Variants in MYH4 observed in about 807,000 individuals in gnomAD.
MYH4 encodes the protein myosin-4.
In MYH4, 200 loss-of-function variants were observed where a neutral mutation model predicts 229.9. That is an observed-to-expected ratio of 0.87 (90% CI 0.78 to 0.98). The LOEUF (loss-of-function observed/expected upper bound fraction) is 0.98, where lower values mean the gene tolerates loss of function less well. Ranked by LOEUF, MYH4 falls within the 50% of genes least tolerant of loss-of-function variation. The pLI, the probability that MYH4 is intolerant of heterozygous loss-of-function variation, is 0.00. For synonymous variants in MYH4, 761 were observed against 834.6 expected, an observed-to-expected ratio of 0.91 and a Z score of 1.52; for missense variants, 2,148 against 2,332.6, an observed-to-expected ratio of 0.92 and a Z score of 1.63.
In MYH4 at chr17:10,443,380, C is replaced by A; in HGVS notation, c.5815G>T (p.Glu1939Ter). 1 of 1,613,832 alleles carries A rather than the reference C, an allele frequency of 6.2e-7. No individual in the cohort carries two copies. The highest frequency in any genetic ancestry group is 8.5e-7 in the Non-Finnish European group (1 of 1,179,938). The change falls in exon 40 of 40, where the codon GAG becomes TAG. Residue 1939 changes from glutamate (E) to a stop codon, truncating the protein, a stop_gained. Transcript: ENST00000255381. LOFTEE classifies it high-confidence loss of function. The surrounding 1 kb of genome is among the most constrained non-coding windows in gnomAD (Gnocchi z 4.6). ...TTTTCTTTCATTAGAATGAATTACTCTTCACTTATGACTTTTGTGTGAACC... is the reference window on the plus strand; with the variant it reads ...TTTTCTTTCATTAGAATGAATTACTATTCACTTATGACTTTTGTGTGAACC... ...REVHTKVISE[E>*]
In MYH4 at chr17:10,460,121, T is replaced by A; in HGVS notation, c.1267-20A>T. 6.2e-7 allele frequency: 1 copy of A among 1,614,138 alleles called. No individual in the cohort carries two copies. Among genetic ancestry groups the A allele is most frequent in the Non-Finnish European group, 8.5e-7 (1 of 1,179,950 alleles). ...GTACACCTTCAACAGAAGTGATAGT[T>A]TAGTTTTTTAAATTGAAAACAGTGA... On this transcript the variant is annotated intron_variant, in intron 13 of 39. Coordinates refer to ENST00000255381, the MANE Select transcript of MYH4 (RefSeq NM_017533.2).
intron 30 of MYH4, 148 bp downstream of exon 30, chr17:10,450,305 G>T: frequency 7.7e-7 from 1 of 1,303,020 alleles, no homozygotes; most frequent in Non-Finnish European, 1.1e-6. Flanking sequence ...GCTTTAAGAA[G>T]AAGAATATGG....
At position 10,448,467 on chromosome 17, in the gene MYH4, C is replaced by A. The variant is rs141781553; in HGVS notation, c.4585G>T (p.Glu1529Ter). Residue 1529 changes from glutamate to a stop codon, truncating the protein, a stop_gained, in exon 33 of 40, where the codon GAA becomes TAA. Coordinates refer to ENST00000255381, the MANE Select transcript of MYH4 (RefSeq NM_017533.2). LOFTEE classifies it high-confidence loss of function. ...QIAEGGKHIH[E>*]LEKVKKQLDH... ...AGTTGTTTCTTTACTTTCTCCAGTT[C>A]ATGGATATGCTTTCCACCCTCTGCA... is the stretch of plus-strand genomic sequence containing the variant. The A allele has an allele frequency of 9.9e-6, 16 of 1,613,842 alleles. No individual in the cohort carries two copies. The African/African-American group carries it at 1.3e-4, about 13-fold the overall frequency.
intron 22 of MYH4, among the ~76,000 whole-genome samples, chr17:10,454,292 C>T (rs1016549453): frequency 1.3e-5 from 2 of 152,182 alleles, no homozygotes; most frequent in African/African-American, 4.8e-5. Context: ...AAAGAATAAT[C>T]TGATCTGAGA....
intron 12 of MYH4, among the ~76,000 whole-genome samples, chr17:10,460,636 C>T (rs944179636): frequency 3.9e-5 from 6 of 152,164 alleles, no homozygotes; most frequent in African/African-American, 1.4e-4. Flanking sequence ...ATTCAGATCT[C>T]TGTTTCTTTC....
chr17:10,451,632 A>G (rs2072574594), intron 27 of MYH4, among the ~76,000 whole-genome samples, 180 bp from the exon 28 acceptor site: 1 of 152,240 alleles, frequency 6.6e-6, no homozygotes, highest in South Asian at 2.1e-4. Flanking sequence ...ACACATGATT[A>G]TCAAAATTAT....
At position 10,461,017 on chromosome 17, in the gene MYH4, T is replaced by A. The variant is rs1485032147; in HGVS notation, c.1046A>T (p.Lys349Met). The A allele has an allele frequency of 5.0e-6, 8 of 1,613,906 alleles. No homozygotes were observed. Among genetic ancestry groups the A allele is most frequent in the Non-Finnish European group, 5.9e-6 (7 of 1,179,996 alleles). ...VDILGFTADE[K>M]VAIYKLTGAV... ...TCCAGTGAGCTTGTAAATGGCCACC[T>A]TTTCATCAGCAGTGAAACCCAGGAT... Residue 349 changes from lysine (K) to methionine (M), a missense_variant, in exon 12 of 40, where the codon AAG (lysine) becomes ATG (methionine). Transcript: ENST00000255381.
chr17:10,445,223 C>T lies in MYH4; in HGVS notation c.5295+14G>A. The T allele has an allele frequency of 1.2e-6, 2 of 1,614,170 alleles. No individual in the cohort carries two copies. Among genetic ancestry groups the T allele is most frequent in the South Asian group, 1.1e-5 (1 of 91,090 alleles). On this transcript the variant is annotated intron_variant, in intron 36 of 39. Transcript: ENST00000255381. ...CATGCATGTGTCAGTAAGACAAATG[C>T]TCATCTTGCTTACATCAGTGATGGC...
Position 10,456,513 on chromosome 17 carries a change from G to A in MYH4, c.1940C>T (p.Ser647Phe), listed in dbSNP as rs370411097. Residue 647 changes from serine (S) to phenylalanine (F), a missense_variant, in exon 17 of 40, where the codon TCT becomes TTT. Transcript: ENST00000255381. ...GAAAAGAGCTGACACTGTCTGGAAAGAAGAACCCTTCTTTTTGCCACCTTT... is the reference window on the plus strand; with the variant it reads ...GAAAAGAGCTGACACTGTCTGGAAAAAAGAACCCTTCTTTTTGCCACCTTT... Reference protein sequence around the residue: ...GKKGGKKKGSSFQTVSALFRE... With the variant: ...GKKGGKKKGSFFQTVSALFRE... 6.2e-7 allele frequency: 1 copy of A among 1,613,788 alleles called. No homozygotes were observed. The highest frequency in any genetic ancestry group is 1.3e-5 in the African/African-American group (1 of 74,898).
In MYH4 at chr17:10,455,068, T is replaced by G; in HGVS notation, c.2308A>C (p.Lys770Gln). The G allele has an allele frequency of 6.2e-7, 1 of 1,614,182 alleles. No homozygotes were observed. Among genetic ancestry groups the G allele is most frequent in the South Asian group, 1.1e-5 (1 of 91,082 alleles). The change falls in exon 21 of 40, where the codon AAA becomes CAA. Residue 770 changes from lysine (K) to glutamine (Q), a missense_variant. Coordinates refer to ENST00000255381, the MANE Select transcript of MYH4 (RefSeq NM_017533.2). ...TCTAGAGTTCCCAGCAGGCCAGCTTTGAAGAAAACCTTATGAAAGAACAAG... is the reference window on the plus strand; with the variant it reads ...TCTAGAGTTCCCAGCAGGCCAGCTTGGAAGAAAACCTTATGAAAGAACAAG... ...YKFGHTKVFF[K>Q]AGLLGTLEEM... is the part of the protein sequence containing the mutation.
rs752096405 is a variant in MYH4, at chr17:10,453,775, T to C, written c.2802A>G (p.Glu934=). 1 of 1,613,964 alleles carries C rather than the reference T, an allele frequency of 6.2e-7. No homozygotes were observed. The highest frequency in any genetic ancestry group is 8.5e-7 in the Non-Finnish European group (1 of 1,179,988). ...KEVTERAEDE[E]EINAELTAKK... ...TGGCTGTCAGCTCAGCATTGATCTC[T>C]TCCTCATCCTCAGCTCTTTCAGTTA... Residue 934 remains glutamate, a synonymous_variant, in exon 23 of 40, where the codon GAA becomes GAG. Coordinates refer to ENST00000255381, the MANE Select transcript of MYH4 (RefSeq NM_017533.2).
At chr17:10,455,780 A>C (rs200625792) in intron 18 of MYH4, 34 bp downstream of exon 18, 1 of 1,614,066 alleles carries the variant, frequency 6.2e-7, no homozygotes, top group Admixed American at 1.7e-5. Flanking sequence ...TCGCACACAC[A>C]CTGGAGCTTG....
intron 15 of MYH4, among the ~76,000 whole-genome samples, chr17:10,458,437 C>G (rs1175964102): frequency 6.6e-6 from 1 of 152,166 alleles, no homozygotes. Context: ...TATTATATCA[C>G]CAGATTAACG....
intron 4 of MYH4, among the ~76,000 whole-genome samples, chr17:10,465,976 G>A (rs1019885597): frequency 2.0e-5 from 3 of 151,278 alleles, no homozygotes; most frequent in African/African-American, 7.3e-5. Context: ...GGGTTTCACC[G>A]TTTTAGCCGG....
At chr17:10,459,552 TTA>T in intron 14 of MYH4, 131 bp from the exon 15 acceptor site, 1 of 1,467,976 alleles carries the variant, frequency 6.8e-7, no homozygotes, top group South Asian at 1.3e-5. Context: ...TGTTTTCCTA[TTA>T]TATAGTTCTA....
At position 10,454,692 on chromosome 17, in the gene MYH4, C is replaced by T. The variant is rs755764532; in HGVS notation, c.2554G>A (p.Glu852Lys). Residue 852 changes from glutamate to lysine, a missense_variant, in exon 22 of 40, where the codon GAG (glutamate) becomes AAG (lysine). Coordinates refer to ENST00000255381, the MANE Select transcript of MYH4 (RefSeq NM_017533.2). The stretch of plus-strand genomic sequence containing the variant: ...AATTCTTCCTTCATGTTGGCCATCT[C>T]CTTCTCTGTCTCTGCACTCTTGAGG... ...PLLKSAETEK[E>K]MANMKEEFEK... 3 of 1,614,078 alleles carry T rather than the reference C, an allele frequency of 1.9e-6. No individual in the cohort carries two copies. The highest frequency in any genetic ancestry group is 2.5e-6 in the Non-Finnish European group (3 of 1,180,042).
At position 10,444,824 on chromosome 17, in the gene MYH4, CAT is replaced by C. The variant is rs1567697372; in HGVS notation, c.5540_5541del (p.His1847ArgfsTer12). Reference protein sequence around the residue: ...NVEAVKGLRKHERRVKELTYQ... With the variant: ...NVEAVKGLRKXERRVKELTYQ... ...TAAGTGAGTTCCTTCACTCTTCTCTCATGTTTGCGAAGACCCTTGACAGCCTC... is the reference window on the plus strand; with the variant it reads ...TAAGTGAGTTCCTTCACTCTTCTCTCGTTTGCGAAGACCCTTGACAGCCTC... On this transcript the variant is annotated frameshift_variant, in exon 38 of 40. Transcript: ENST00000255381. LOFTEE classifies it high-confidence loss of function. 1 of 1,614,106 alleles carries C rather than the reference CAT, an allele frequency of 6.2e-7. No homozygotes were observed. Among genetic ancestry groups the C allele is most frequent in the East Asian group, 2.2e-5 (1 of 44,880 alleles).
rs1480665619 is a variant in MYH4 at position 10,455,795 on chromosome 17, G to A, written c.2056+19C>T. 1.9e-6 allele frequency: 3 copies of A among 1,614,050 alleles called. No individual in the cohort carries two copies. In the Admixed American group the frequency reaches 5.0e-5, roughly 27 times the overall value. On this transcript the variant is annotated intron_variant, in intron 18 of 39. Coordinates refer to ENST00000255381, the MANE Select transcript of MYH4 (RefSeq NM_017533.2). ...TCGCACACACACTGGAGCTTGTCTG[G>A]ATATCAGAAATGTCTTACCAGGAGT...
chr17:10,447,299 T>A, intron 34 of MYH4, 83 bp from the exon 35 acceptor site: 2 of 1,224,182 alleles, frequency 1.6e-6, no homozygotes, highest in Non-Finnish European at 1.2e-6. Flanking sequence ...TCTTTGATCT[T>A]AATGACTTAG....
Sources: allele counts gnomAD v4.1 joint callset (sites outside exome capture counted in the v4.1 genomes callset), GRCh38; gene constraint gnomAD v4.1.1; non-coding constraint Gnocchi (gnomAD v3.1); transcripts MANE v1.5; gene names NCBI Gene and HGNC (gene_info 2026-07-23, HGNC 2026-07-21).